The following OSBPL8 variants were observed in gnomAD, a reference collection of about 807,000 sequenced individuals.
OSBPL8 encodes the protein oxysterol-binding protein-related protein 8.
In OSBPL8, 59 loss-of-function variants were observed where a neutral mutation model predicts 125.5. The observed-to-expected ratio is 0.47, with a 90% CI of 0.38 to 0.58. The LOEUF (loss-of-function observed/expected upper bound fraction) is 0.58, where lower values mean the gene tolerates loss of function less well. Ranked by LOEUF, OSBPL8 falls within the 20% of genes least tolerant of loss-of-function variation. OSBPL8 has a pLI of 0.00. For missense variants in OSBPL8, 758 were observed against 1,047.8 expected, an observed-to-expected ratio of 0.72 and a Z score of 3.82; for synonymous variants, 330 against 338.9, an observed-to-expected ratio of 0.97 and a Z score of 0.29.
intron 4 of OSBPL8, among the ~76,000 whole-genome samples, chr12:76,447,821 A>G (rs1872896859): frequency 6.6e-6 from 1 of 152,258 alleles, no homozygotes; most frequent in Non-Finnish European, 1.5e-5. Context: ...TGCTGGGATT[A>G]CAGGCATGAG....
chr12:76,439,045 A>C (rs777368191), intron 4 of OSBPL8, among the ~76,000 whole-genome samples: 15 of 152,314 alleles, frequency 9.8e-5, no homozygotes, highest in Non-Finnish European at 1.0e-4. Flanking sequence ...AGAGCTCATA[A>C]AATACAGGGG....
intron 1 of OSBPL8, among the ~76,000 whole-genome samples, chr12:76,546,598 G>A (rs1412214970): frequency 6.6e-6 from 1 of 151,468 alleles, no homozygotes; most frequent in Non-Finnish European, 1.5e-5. Flanking sequence ...AAAATTTCAG[G>A]GATAGCAAAA....
At chr12:76,403,918 C>T (rs998630737) in intron 5 of OSBPL8, among the ~76,000 whole-genome samples, 25 of 152,056 alleles carry the variant, frequency 1.6e-4, no homozygotes, top group African/African-American at 4.3e-4. Flanking sequence ...AAATATCTAA[C>T]GAATTAATAA....
chr12:76,471,673 G>A (rs752588710), intron 2 of OSBPL8, among the ~76,000 whole-genome samples: 3 of 152,048 alleles, frequency 2.0e-5, no homozygotes, highest in Non-Finnish European at 4.4e-5. Flanking sequence ...TACCAAAATT[G>A]GAGAGAAAAA....
chr12:76,487,848 T>A (rs75106002), intron 1 of OSBPL8, among the ~76,000 whole-genome samples: 1 of 152,066 alleles, frequency 6.6e-6, no homozygotes, highest in South Asian at 2.1e-4. Context: ...AGGTTAAACA[T>A]GAGACTGCCT....
At position 76,359,163 on chromosome 12, in the gene OSBPL8, G is replaced by A. The variant is rs142951403; in HGVS notation, c.2329-352C>T. On this transcript the variant is annotated intron_variant, in intron 21 of 23. Coordinates refer to ENST00000261183, the MANE Select transcript of OSBPL8 (RefSeq NM_020841.5). The stretch of plus-strand genomic sequence containing the variant: ...GATCCCCCTACCTCTGACTGCACCA[G>A]CTATTATTATTCTCTAGTAGAATGT... Among the ~76,000 whole-genome samples, 518 of 152,184 alleles carry A rather than the reference G, an allele frequency of 3.4e-3. 2 individuals are homozygous for A. The highest frequency in any genetic ancestry group is 5.7e-3 in the Non-Finnish European group (385 of 68,016).
At chr12:76,536,336 T>G (rs1950496968) in intron 1 of OSBPL8, among the ~76,000 whole-genome samples, 1 of 151,388 alleles carries the variant, frequency 6.6e-6, no homozygotes, top group South Asian at 2.1e-4. Flanking sequence ...TACTAAATAC[T>G]AAAATACTAA....
At chr12:76,362,707 G>C (rs4761422) in intron 21 of OSBPL8, among the ~76,000 whole-genome samples, 1 of 151,744 alleles carries the variant, frequency 6.6e-6, no homozygotes, top group East Asian at 1.9e-4. Flanking sequence ...GAAAGAAATA[G>C]AGGGTATTCA....
intron 1 of OSBPL8, among the ~76,000 whole-genome samples, chr12:76,510,773 C>T (rs542856864): frequency 1.8e-4 from 27 of 151,504 alleles, no homozygotes; most frequent in African/African-American, 5.8e-4. Context: ...CCCAGCTACT[C>T]GTGAGGCTGA....
intron 1 of OSBPL8, among the ~76,000 whole-genome samples, chr12:76,494,482 T>C (rs1254607904): frequency 6.6e-6 from 1 of 152,206 alleles, no homozygotes; most frequent in African/African-American, 2.4e-5. Flanking sequence ...AAAAGGTTAC[T>C]GCATTAATCT....
At chr12:76,437,536 G>A (rs1228199374) in intron 4 of OSBPL8, among the ~76,000 whole-genome samples, 2 of 152,052 alleles carry the variant, frequency 1.3e-5, no homozygotes, top group African/African-American at 4.8e-5. Flanking sequence ...AACTTTCTCT[G>A]GATATTAATC....
rs1460512139 is a variant in OSBPL8 at position 76,402,741 on chromosome 12, G to C, written c.314C>G (p.Ser105Ter). ...SKSESKLYNG[S>*]EKDSSTSSKL... is the part of the protein sequence containing the mutation. The stretch of plus-strand genomic sequence containing the variant: ...GCTTGAAGTTGAACTGTCCTTCTCT[G>C]AGCCATTATAAAGTTTAGATTCAGA... The change falls in exon 6 of 24, where the codon TCA (serine) becomes TGA (stop). Residue 105 changes from serine (S) to a stop codon, truncating the protein, a stop_gained. Coordinates refer to ENST00000261183, the MANE Select transcript of OSBPL8 (RefSeq NM_020841.5). LOFTEE classifies it high-confidence loss of function. 6.2e-7 allele frequency: 1 copy of C among 1,606,190 alleles called. No individual in the cohort carries two copies. The highest frequency in any genetic ancestry group is 1.7e-5 in the Admixed American group (1 of 59,868).
intron 1 of OSBPL8, among the ~76,000 whole-genome samples, chr12:76,489,312 A>T (rs1878472734): frequency 6.6e-6 from 1 of 152,238 alleles, no homozygotes; most frequent in Non-Finnish European, 1.5e-5. Flanking sequence ...TTCAATATAG[A>T]TGAAATAGCC....
At chr12:76,392,447 T>C in intron 10 of OSBPL8, 134 bp downstream of exon 10, 1 of 712,614 alleles carries the variant, frequency 1.4e-6, no homozygotes, top group Non-Finnish European at 2.2e-6. Context: ...TTTAAGCCGG[T>C]TCCTAGGCCA....
intron 4 of OSBPL8, among the ~76,000 whole-genome samples, chr12:76,444,696 G>C (rs1872559983): frequency 6.6e-6 from 1 of 152,174 alleles, no homozygotes; most frequent in Admixed American, 6.5e-5. Context: ...TGCTGGTCCA[G>C]AAGTTGCTAC....
chr12:76,426,566 A>T (rs1870172253), intron 4 of OSBPL8, among the ~76,000 whole-genome samples: 1 of 152,182 alleles, frequency 6.6e-6, no homozygotes, highest in Non-Finnish European at 1.5e-5. Context: ...AGAGATAAGG[A>T]TCAGGAGATA....
chr12:76,511,630 T>C (rs1342711415), intron 1 of OSBPL8, among the ~76,000 whole-genome samples: 2 of 152,226 alleles, frequency 1.3e-5, no homozygotes, highest in African/African-American at 4.8e-5. Flanking sequence ...ATTAGACCTC[T>C]GTGAGGTACA....
At chr12:76,505,531 T>G (rs1880323911) in intron 1 of OSBPL8, among the ~76,000 whole-genome samples, 1 of 151,886 alleles carries the variant, frequency 6.6e-6, no homozygotes, top group Admixed American at 6.6e-5. Flanking sequence ...GATACTAGAA[T>G]AAAAAATAGG....
At chr12:76,530,075 A>C (rs180916349) in intron 1 of OSBPL8, among the ~76,000 whole-genome samples, 101 of 152,222 alleles carry the variant, frequency 6.6e-4, no homozygotes, top group Middle Eastern at 3.4e-3. Context: ...CTTTTTAGAC[A>C]CAGGGTCTCA....
Sources: gnomAD v4.1 joint callset for allele counts (sites outside exome capture counted in the v4.1 genomes callset) on GRCh38, gnomAD v4.1.1 for gene constraint, MANE v1.5 for transcripts, NCBI Gene and HGNC (gene_info 2026-07-23, HGNC 2026-07-21) for gene names.